The following SAGE1 variants were observed in gnomAD, a reference collection of about 807,000 sequenced individuals.
SAGE1 encodes the protein sarcoma antigen 1, also known as cancer/testis antigen 14.
SAGE1 carries 55 observed loss-of-function variants against 55.4 expected under a neutral mutation model. The observed-to-expected ratio is 0.99, with a 90% confidence interval of 0.80 to 1.24. SAGE1 has a LOEUF of 1.24. SAGE1 is among the 50% of genes most tolerant of loss of function. The pLI is 0.00. For synonymous variants in SAGE1, 240 were observed against 244.3 expected, an observed-to-expected ratio of 0.98 and a Z score of 0.17; for missense variants, 710 against 704.4, an observed-to-expected ratio of 1.01 and a Z score of -0.09.
intron 2 of SAGE1, among the ~76,000 whole-genome samples, chrX:135,900,115 T>C (rs1175204035): frequency 1.8e-5 from 2 of 111,262 alleles, no homozygotes; most frequent in Non-Finnish European, 3.8e-5. Flanking sequence ...TTCAGTATGA[T>C]ATTGGCTGTG....
At chrX:135,895,249 C>T in intron 1 of SAGE1, among the ~76,000 whole-genome samples, 1 of 111,817 alleles carries the variant, frequency 8.9e-6, no homozygotes, top group Admixed American at 9.5e-5. Flanking sequence ...TATCACACTG[C>T]TTACTGCTGT....
chrX:135,904,379 T>G, intron 3 of SAGE1, 98 bp from the exon 4 acceptor site: 12 of 535,076 alleles, frequency 2.2e-5, no homozygotes, highest in Non-Finnish European at 3.6e-5. Context: ...TTCTTCTTTA[T>G]GAGATAATTT....
chrX:135,894,999 T>G (rs1273758920), intron 1 of SAGE1, among the ~76,000 whole-genome samples: 1 of 110,502 alleles, frequency 9.0e-6, no homozygotes, highest in African/African-American at 3.3e-5. Flanking sequence ...TTTGTTTGTT[T>G]GTTTGTTTGT....
intron 16 of SAGE1, 43 bp from the exon 17 acceptor site, chrX:135,911,149 T>A: frequency 8.4e-7 from 1 of 1,193,896 alleles, no homozygotes; most frequent in South Asian, 1.8e-5. Context: ...GGGTTGTCAT[T>A]ATGCACTTAC....
In SAGE1 at chrX:135,907,010, C is replaced by T; in HGVS notation, c.821C>T (p.Thr274Ile). ...QPDNILSTAS[T>I]GLINVAGAGT... The stretch of plus-strand genomic sequence containing the variant: ...GATAACATCTTGTCAACTGCTTCAA[C>T]AGGGCTTATTAATGTGGCAGGAGCT... Residue 274 changes from threonine (T) to isoleucine (I), a missense_variant, in exon 8 of 20, where the codon ACA (threonine) becomes ATA (isoleucine). By Grantham distance (89) the Thr-to-Ile change is moderately conservative (BLOSUM62 -1). Coordinates refer to ENST00000370709, the MANE Select transcript of SAGE1 (RefSeq NM_001381902.1). 8.3e-7 allele frequency: 1 copy of T among 1,210,555 alleles called. No individual in the cohort carries two copies. The highest frequency in any genetic ancestry group is 1.8e-5 in the South Asian group (1 of 56,948).
intron 16 of SAGE1, among the ~76,000 whole-genome samples, chrX:135,910,962 G>C (rs1402935793): frequency 4.5e-5 from 5 of 112,201 alleles, no homozygotes; most frequent in African/African-American, 1.6e-4. Flanking sequence ...TTTCTTATAA[G>C]TTGTACTTTC....
intron 2 of SAGE1, among the ~76,000 whole-genome samples, chrX:135,899,795 G>T (rs1267056387): frequency 9.1e-6 from 1 of 109,668 alleles, no homozygotes; most frequent in Non-Finnish European, 1.9e-5. Context: ...CTCTCTGCTT[G>T]CCTGTTTTTG....
At chrX:135,904,306 T>C (rs1307930931) in intron 3 of SAGE1, among the ~76,000 whole-genome samples, 171 bp from the exon 4 acceptor site, 14 of 111,374 alleles carry the variant, frequency 1.3e-4, no homozygotes, top group Non-Finnish European at 2.6e-4. Context: ...AAGAAGGTAA[T>C]TTTGTTGTAT....
intron 10 of SAGE1, 99 bp downstream of exon 10, chrX:135,907,940 G>C: frequency 9.3e-7 from 1 of 1,077,810 alleles, no homozygotes; most frequent in Non-Finnish European, 1.3e-6. Context: ...ATGTTTTCTG[G>C]CCTCAATTTT....
At chrX:135,901,474 G>T in intron 2 of SAGE1, 85 bp from the exon 3 acceptor site, 1 of 906,973 alleles carries the variant, frequency 1.1e-6, no homozygotes, top group Non-Finnish European at 1.5e-6. Flanking sequence ...TGATATAAAT[G>T]CATGGCTGTG....
Position 135,909,706 on chromosome X carries a change from C to T in SAGE1, c.1650C>T (p.Asp550=), listed in dbSNP as rs782600035. ...ATAACCAACCACAACCTAGTTATGA[C>T]TTGTCAACTGTTCTACCAGGACTTA... is the stretch of plus-strand genomic sequence containing the variant. ...MENNQPQPSY[D]LSTVLPGLTY... The change falls in exon 14 of 20, where the codon GAC becomes GAT. Residue 550 remains aspartate (D), a synonymous_variant. Transcript: ENST00000370709. 11 of 1,201,018 alleles carry T rather than the reference C, an allele frequency of 9.2e-6. No homozygotes were observed. Among genetic ancestry groups the T allele is most frequent in the Non-Finnish European group, 1.2e-5 (11 of 888,601 alleles).
chrX:135,898,295 A>C (rs1185862023), intron 2 of SAGE1, among the ~76,000 whole-genome samples: 1 of 112,229 alleles, frequency 8.9e-6, no homozygotes, highest in East Asian at 2.8e-4. Flanking sequence ...CTGGGATTAC[A>C]GGCGTGAGCC....
chrX:135,910,353 G>T, intron 15 of SAGE1, 62 bp from the exon 16 acceptor site: 1 of 1,148,789 alleles, frequency 8.7e-7, no homozygotes, highest in East Asian at 3.0e-5. Flanking sequence ...CATCAGAGGG[G>T]TATGCCTGTG....
In SAGE1 at chrX:135,911,204, C is replaced by T; in HGVS notation, c.2018C>T (p.Thr673Ile). The change falls in exon 17 of 20, where the codon ACT (threonine) becomes ATT (isoleucine). Residue 673 changes from threonine (T) to isoleucine (I), a missense_variant. Coordinates refer to ENST00000370709, the MANE Select transcript of SAGE1 (RefSeq NM_001381902.1). Reference protein sequence around the residue: ...TITRDLYVTATHSVHEEKMTN... With the variant: ...TITRDLYVTAIHSVHEEKMTN... ...ATTTTGTTTCCAGATGTCACCGCCA[C>T]TCACAGTGTCCATGAGGAGAAGATG... The T allele has an allele frequency of 1.7e-6, 2 of 1,210,997 alleles. No individual in the cohort carries two copies. Among genetic ancestry groups the T allele is most frequent in the Non-Finnish European group, 2.2e-6 (2 of 894,927 alleles).
intron 1 of SAGE1, among the ~76,000 whole-genome samples, chrX:135,895,980 TACAGGA>T (rs781950691): frequency 2.0e-3 from 219 of 111,305 alleles, no homozygotes; most frequent in Non-Finnish European, 2.6e-3. Context: ...GGTGTGAACC[TACAGGA>T]AGTAGTGATG....
At chrX:135,904,591 TTTCATCCATGAGTATGAAA>T in intron 4 of SAGE1, 22 bp downstream of exon 4, 1 of 1,025,092 alleles carries the variant, frequency 9.8e-7, no homozygotes, top group Non-Finnish European at 1.4e-6. Context: ...GCAGCAGGAA[TTTCATCCATGAGTATGAAA>T]TTCATCCATG....
chrX:135,902,222 T>C (rs1287627316), intron 3 of SAGE1, among the ~76,000 whole-genome samples: 1 of 111,435 alleles, frequency 9.0e-6, no homozygotes, highest in African/African-American at 3.3e-5. Context: ...ATACTATCTA[T>C]TTAGGCGATG....
At chrX:135,904,258 A>C (rs2088738203) in intron 3 of SAGE1, among the ~76,000 whole-genome samples, 1 of 111,794 alleles carries the variant, frequency 8.9e-6, no homozygotes, top group African/African-American at 3.3e-5. Flanking sequence ...TCCTACGAGG[A>C]TTCCACTACG....
chrX:135,908,407 A>G (rs1222568941), intron 11 of SAGE1, 70 bp from the exon 12 acceptor site: 1 of 1,101,116 alleles, frequency 9.1e-7, no homozygotes. Flanking sequence ...TGAGCATCAG[A>G]GGGATATATA....
Sources: allele counts gnomAD v4.1 joint callset (sites outside exome capture counted in the v4.1 genomes callset), GRCh38; gene constraint gnomAD v4.1.1; transcripts MANE v1.5; gene names NCBI Gene and HGNC (gene_info 2026-07-23, HGNC 2026-07-21).